The following KCNMA1 variants were observed in gnomAD, a reference collection of about 807,000 sequenced individuals.
KCNMA1 encodes Calcium-activated potassium channel subunit alpha-1.
A neutral mutation model predicts 140.0 loss-of-function variants in KCNMA1; 29 were observed. The observed-to-expected ratio is 0.21, with a 90% CI of 0.15 to 0.28. The LOEUF (loss-of-function observed/expected upper bound fraction) is 0.28, where lower values mean the gene tolerates loss of function less well. Ranked by LOEUF, KCNMA1 falls within the 10% of genes least tolerant of loss-of-function variation. The pLI is 1.00. For missense variants in KCNMA1, 880 were observed against 1,602.2 expected (o/e 0.55, Z 7.70); for synonymous variants, 612 against 611.9 (o/e 1.00, Z 0.00).
intron 2 of KCNMA1, among the ~76,000 whole-genome samples, chr10:77,359,731 G>A (rs190763066): frequency 1.1e-4 from 16 of 152,320 alleles, no homozygotes; most frequent in African/African-American, 3.1e-4. Context: ...GAGTGCCCAC[G>A]GAGATGGGAG....
chr10:77,060,430 T>C (rs1023225849), intron 14 of KCNMA1, among the ~76,000 whole-genome samples: 9 of 152,230 alleles, frequency 5.9e-5, no homozygotes. Context: ...GGAATGGCAC[T>C]GTCTATAGCC....
intron 5 of KCNMA1, among the ~76,000 whole-genome samples, chr10:77,151,223 T>A (rs552887041): frequency 6.6e-6 from 1 of 151,322 alleles, no homozygotes; most frequent in East Asian, 1.9e-4. Flanking sequence ...TTTCTTTCCT[T>A]CTTTCTTTCT....
intron 1 of KCNMA1, among the ~76,000 whole-genome samples, chr10:77,415,827 C>A (rs79635093): frequency 7.0e-4 from 107 of 152,324 alleles, no homozygotes; most frequent in African/African-American, 2.5e-3. Flanking sequence ...CTCAGTACAG[C>A]GCACTGTGTG....
At chr10:77,295,787 C>CA (rs36034012) in intron 2 of KCNMA1, among the ~76,000 whole-genome samples, 2,039 of 43,174 alleles carry the variant, frequency 0.047, 561 homozygotes, top group East Asian at 0.23. Flanking sequence ...GACTCCGTCT[C>CA]AAAAAAAAAA....
In KCNMA1 at chr10:77,099,549, T is replaced by C. The variant is rs531034621; in HGVS notation, c.1223+8932A>G. Among the ~76,000 whole-genome samples, 300 of 152,108 alleles carry C rather than the reference T, an allele frequency of 2.0e-3. 5 individuals are homozygous for C. Among genetic ancestry groups the C allele is most frequent in the Admixed American group, 3.3e-3 (51 of 15,284 alleles). On this transcript the variant is annotated intron_variant, in intron 9 of 27. Transcript: ENST00000286628. ...GACCAACATAGAGAAACCCCGTCTCTACTAAAAATACAAAATTAGCTGGGC... is the reference window on the plus strand; with the variant it reads ...GACCAACATAGAGAAACCCCGTCTCCACTAAAAATACAAAATTAGCTGGGC...
At chr10:77,015,120 T>A (rs1184385501) in intron 17 of KCNMA1, among the ~76,000 whole-genome samples, 3 of 152,260 alleles carry the variant, frequency 2.0e-5, no homozygotes, top group East Asian at 1.9e-4. Flanking sequence ...CAGCTGGTGA[T>A]CTTGCTTCAC....
rs556190699 is a variant in KCNMA1, at chr10:77,086,699, T to C, written c.1335-106A>G. Reference sequence around the variant, plus strand: ...TCCACAGGGAGCCCTGGGGAGAGGCTGTGACCTACAGTCACCCTTTTGCTT... The same window carrying C: ...TCCACAGGGAGCCCTGGGGAGAGGCCGTGACCTACAGTCACCCTTTTGCTT... On this transcript the variant is annotated intron_variant, in intron 10 of 27. Transcript: ENST00000286628. 2.4e-5 allele frequency: 19 copies of C among 786,870 alleles called. No homozygotes were observed. In the African/African-American group the frequency reaches 3.1e-4, roughly 13 times the overall value. 48.7% of individuals were successfully genotyped at this position (786,870 alleles called of 1,614,324 possible).
At chr10:77,593,620 G>A (rs1603637963) in intron 1 of KCNMA1, among the ~76,000 whole-genome samples, 1 of 152,146 alleles carries the variant, frequency 6.6e-6, no homozygotes, top group Non-Finnish European at 1.5e-5. Flanking sequence ...ATCCTCATAA[G>A]AACCCAGTGA....
In KCNMA1 at chr10:77,007,653, G is replaced by GTGTGTGTATGTATATATATATATATATA; in HGVS notation, c.2092+4313_2092+4314insTATATATATATATATATACATACACACA. ...ACATCATGGTACATATTGTGTGTGT[G>GTGTGTGTATGTATATATATATATATATA]TATATATATATATATATATATATGT... On this transcript the variant is annotated intron_variant, in intron 18 of 27. Transcript: ENST00000286628. 1.0e-4 allele frequency among the ~76,000 whole-genome samples: 9 copies of GTGTGTGTATGTATATATATATATATATA among 88,464 alleles called. No individual in the cohort carries two copies. In the South Asian group the frequency reaches 2.8e-3, roughly 27 times the overall value. The allele number at this position is 88,464 out of a possible 152,430, so 58.0% of individuals were successfully genotyped here. A position where few individuals can be genotyped will look rare whatever the true frequency, so the allele number is the denominator to read the frequency against.
intron 9 of KCNMA1, among the ~76,000 whole-genome samples, chr10:77,104,831 G>A (rs574779838): frequency 6.6e-6 from 1 of 152,300 alleles, no homozygotes; most frequent in Admixed American, 6.5e-5. Context: ...GGCTGTGAGA[G>A]GGAGGAGAGA....
intron 2 of KCNMA1, among the ~76,000 whole-genome samples, chr10:77,383,492 A>G (rs867719654): frequency 2.0e-5 from 3 of 151,786 alleles, no homozygotes; most frequent in African/African-American, 7.3e-5. Context: ...ATTTTTAAGT[A>G]TACAGCTCAG....
chr10:77,054,328 C>T (rs141692284), intron 14 of KCNMA1, among the ~76,000 whole-genome samples: 13 of 152,292 alleles, frequency 8.5e-5, no homozygotes, highest in African/African-American at 2.6e-4. Flanking sequence ...TCTTAAGAAA[C>T]TATACCTATT....
At position 77,072,967 on chromosome 10, in the gene KCNMA1, A is replaced by G. The variant is rs935121422; in HGVS notation, c.1749+130T>C. The G allele has an allele frequency of 4.6e-6, 4 of 860,788 alleles. No homozygotes were observed. In the South Asian group the frequency reaches 5.9e-5, roughly 13 times the overall value. 53.3% of individuals were successfully genotyped at this position (860,788 alleles called of 1,614,324 possible). A position where few individuals can be genotyped will look rare whatever the true frequency, so the allele number is the denominator to read the frequency against. ...AGTTGGCTTCATGCCCAAATCCGTA[A>G]CAAGGAATTTCTCCTTAACCCAAGT... On this transcript the variant is annotated intron_variant, in intron 14 of 27. Transcript: ENST00000286628.
At chr10:77,634,444 G>T (rs971714655) in intron 1 of KCNMA1, 59 of 985,318 alleles carry the variant, frequency 6.0e-5, no homozygotes, top group Non-Finnish European at 6.5e-5. Context: ...CACGATGCAT[G>T]TCCACAGTCT....
At chr10:77,402,495 C>T (rs921433833) in intron 2 of KCNMA1, among the ~76,000 whole-genome samples, 3 of 152,246 alleles carry the variant, frequency 2.0e-5, no homozygotes, top group Non-Finnish European at 4.4e-5. Flanking sequence ...CCAGACCCTT[C>T]AGCACACAGC....
chr10:77,510,957 A>C (rs1414663274), intron 1 of KCNMA1, among the ~76,000 whole-genome samples: 1 of 152,230 alleles, frequency 6.6e-6, no homozygotes, highest in East Asian at 1.9e-4. Flanking sequence ...GCCGATTAAC[A>C]ACACATGGAG....
intron 5 of KCNMA1, among the ~76,000 whole-genome samples, chr10:77,140,941 T>C (rs1433965677): frequency 6.6e-6 from 1 of 152,174 alleles, no homozygotes; most frequent in African/African-American, 2.4e-5. Flanking sequence ...TGAGAGAGGC[T>C]GCAGTTTGGG....
chr10:77,247,090 A>C (rs1179902049), intron 3 of KCNMA1, among the ~76,000 whole-genome samples: 1 of 152,374 alleles, frequency 6.6e-6, no homozygotes, highest in African/African-American at 2.4e-5. Context: ...TGAAGTCACC[A>C]GTGAGCAGGA....
chr10:77,158,785 G>A (rs1057219995), intron 5 of KCNMA1, among the ~76,000 whole-genome samples: 1 of 151,444 alleles, frequency 6.6e-6, no homozygotes, highest in African/African-American at 2.4e-5. Context: ...TATTTCAAGG[G>A]AAGAAGGAGT....
Sources: allele counts gnomAD v4.1 joint callset (sites outside exome capture counted in the v4.1 genomes callset), GRCh38; gene constraint gnomAD v4.1.1; transcripts MANE v1.5; gene names NCBI Gene and HGNC (gene_info 2026-07-23, HGNC 2026-07-21).